Variants in GABRB3 observed in about 807,000 individuals in gnomAD.
GABRB3 encodes the protein gamma-aminobutyric acid type A receptor subunit beta3, also known as gamma-aminobutyric acid receptor subunit beta-3.
Under a neutral mutation model 52.1 loss-of-function variants are expected in GABRB3, and 14 were observed. That is an observed-to-expected ratio of 0.27 (90% CI 0.18 to 0.42). The LOEUF (loss-of-function observed/expected upper bound fraction) is 0.42, where lower values mean the gene tolerates loss of function less well. Among genes scored for constraint, GABRB3 ranks in the 10% least tolerant of loss-of-function variants. The probability of loss-of-function intolerance (pLI) is 1.00; values close to 1 mark genes in which losing one functional copy is unlikely to be tolerated. For synonymous variants in GABRB3, 260 were observed against 232.3 expected, an observed-to-expected ratio of 1.12 and a Z score of -1.08; for missense variants, 307 against 609.1, an observed-to-expected ratio of 0.50 and a Z score of 5.22.
chr15:26,640,151 G>A (rs552784064), intron 3 of GABRB3, among the ~76,000 whole-genome samples: 1 of 152,292 alleles, frequency 6.6e-6, no homozygotes, highest in South Asian at 2.1e-4. Flanking sequence ...TATGACAGAG[G>A]TATGGACCAG....
At chr15:26,689,536 C>G (rs1015086559) in intron 3 of GABRB3, among the ~76,000 whole-genome samples, 1 of 152,094 alleles carries the variant, frequency 6.6e-6, no homozygotes, top group Non-Finnish European at 1.5e-5. Flanking sequence ...CACTTCATGC[C>G]TCATTACACG....
chr15:26,705,500 A>T (rs573976156), intron 3 of GABRB3, among the ~76,000 whole-genome samples: 1 of 152,358 alleles, frequency 6.6e-6, no homozygotes, highest in African/African-American at 2.4e-5. Flanking sequence ...AAACTCTGGC[A>T]TATATCTATA....
rs566422368 is a variant in GABRB3 at position 26,705,271 on chromosome 15, C to T, written c.240+67131G>A. 1.4e-4 allele frequency among the ~76,000 whole-genome samples: 21 copies of T among 152,294 alleles called. No homozygotes were observed. In the Middle Eastern group the frequency reaches 0.01, roughly 74 times the overall value. On this transcript the variant is annotated intron_variant, in intron 3 of 8. Transcript: ENST00000311550. The stretch of plus-strand genomic sequence containing the variant: ...GAGGGAACCAACTGCCTTTATCAAG[C>T]GCCTTTATAAAGACATCTGATCTCA...
At chr15:26,704,633 C>T (rs1046215531) in intron 3 of GABRB3, among the ~76,000 whole-genome samples, 1 of 152,248 alleles carries the variant, frequency 6.6e-6, no homozygotes, top group East Asian at 1.9e-4. Context: ...AAAGAAGCCA[C>T]GAAGGATCCT....
chr15:26,624,637 G>A (rs1238180346), intron 3 of GABRB3: 1 of 985,392 alleles, frequency 1.0e-6, no homozygotes, highest in Non-Finnish European at 1.2e-6. Context: ...AAGAGCTTAG[G>A]TAACAGCAAG....
intron 8 of GABRB3, among the ~76,000 whole-genome samples, chr15:26,551,785 C>T (rs189441853): frequency 5.9e-5 from 9 of 152,250 alleles, no homozygotes; most frequent in East Asian, 1.9e-4. Context: ...CTCCACTAGA[C>T]GGAGTGGTCT....
rs1889278220 is a variant in GABRB3, at chr15:26,547,134, CTA to C, written c.*657_*658del. ...GTTCAGACATCAACGTGGGATCTAT[CTA>C]TGTTTCAGACAACAGGTAAGCACAC... On this transcript the variant is annotated 3_prime_UTR_variant, in exon 9 of 9. Transcript: ENST00000311550. 5.8e-6 allele frequency: 1 copy of C among 171,712 alleles called. No individual in the cohort carries two copies. The highest frequency in any genetic ancestry group is 1.2e-5 in the Non-Finnish European group (1 of 81,510). The allele number at this position is 171,712 out of a possible 1,614,324, so 10.6% of individuals were successfully genotyped here.
chr15:26,590,737 A>T (rs1052397115), intron 4 of GABRB3, among the ~76,000 whole-genome samples: 4 of 152,186 alleles, frequency 2.6e-5, no homozygotes, highest in Admixed American at 1.3e-4. Context: ...TGTTGCTGGG[A>T]AAATGATTGT....
At chr15:26,668,701 TAG>T (rs780569629) in intron 3 of GABRB3, among the ~76,000 whole-genome samples, 23 of 152,294 alleles carry the variant, frequency 1.5e-4, no homozygotes, top group Admixed American at 8.5e-4. Context: ...CATATGTAAA[TAG>T]AGTTCCCTAA....
intron 6 of GABRB3, among the ~76,000 whole-genome samples, chr15:26,579,577 T>C (rs1188070590): frequency 6.6e-6 from 1 of 152,244 alleles, no homozygotes; most frequent in African/African-American, 2.4e-5. Flanking sequence ...CTCTTAGCAT[T>C]TTCAACCAAG....
chr15:26,725,597 G>C (rs1248402610), intron 3 of GABRB3, among the ~76,000 whole-genome samples: 1 of 152,014 alleles, frequency 6.6e-6, no homozygotes, highest in Non-Finnish European at 1.5e-5. Context: ...TCAAACTTTT[G>C]AAAATGTTGC....
chr15:26,592,690 G>A (rs1162171222), intron 4 of GABRB3, among the ~76,000 whole-genome samples: 3 of 152,074 alleles, frequency 2.0e-5, no homozygotes, highest in African/African-American at 4.8e-5. Flanking sequence ...ATCCTTTAAT[G>A]GCATGGAAAG....
intron 8 of GABRB3, among the ~76,000 whole-genome samples, chr15:26,550,454 G>A (rs78857542): frequency 0.027 from 4,112 of 152,234 alleles, 197 homozygotes; most frequent in African/African-American, 0.094. Flanking sequence ...TCATCTCACC[G>A]CAGTTAGAAT....
chr15:26,720,394 T>A (rs146829836), intron 3 of GABRB3, among the ~76,000 whole-genome samples: 143 of 152,330 alleles, frequency 9.4e-4, no homozygotes, highest in African/African-American at 3.3e-3. Flanking sequence ...CCTGGCTCTC[T>A]GATCCCTAGC....
intron 3 of GABRB3, among the ~76,000 whole-genome samples, chr15:26,684,409 A>G (rs926923776): frequency 6.6e-6 from 1 of 152,174 alleles, no homozygotes; most frequent in African/African-American, 2.4e-5. Context: ...AAATGTTCAC[A>G]TATGGGAAGA....
At chr15:26,671,397 T>C (rs1449421286) in intron 3 of GABRB3, among the ~76,000 whole-genome samples, 1 of 152,210 alleles carries the variant, frequency 6.6e-6, no homozygotes. Flanking sequence ...ATGGCCTTAG[T>C]TGTACCACAG....
intron 4 of GABRB3, among the ~76,000 whole-genome samples, chr15:26,595,575 ATTTTGATG>A (rs1891368618): frequency 6.6e-6 from 1 of 151,980 alleles, no homozygotes; most frequent in African/African-American, 2.4e-5. Flanking sequence ...GTTTTGTTTT[ATTTTGATG>A]TTTTTGTGAG....
Position 26,621,296 on chromosome 15 carries a change from CT to C in GABRB3, c.461+17del. ...GCACCATGCAACAGCAAAATTGGTC[CT>C]GAAGAGGCACACAGACCTGAGCCCA... On this transcript the variant is annotated intron_variant, in intron 4 of 8. Coordinates refer to ENST00000311550, the MANE Select transcript of GABRB3 (RefSeq NM_000814.6). This position sits in a 1 kb window ranked among gnomAD's most constrained non-coding sequence, Gnocchi z 4.1. 1.2e-6 allele frequency: 2 copies of C among 1,609,986 alleles called. No individual in the cohort carries two copies. Among genetic ancestry groups the C allele is most frequent in the Non-Finnish European group, 1.7e-6 (2 of 1,177,480 alleles).
chr15:26,730,077 A>G (rs1889867960), intron 3 of GABRB3, among the ~76,000 whole-genome samples: 1 of 152,222 alleles, frequency 6.6e-6, no homozygotes, highest in Non-Finnish European at 1.5e-5. Context: ...GAACACCAAT[A>G]TACACAAAAG....
Sources: allele counts gnomAD v4.1 joint callset (sites outside exome capture counted in the v4.1 genomes callset), GRCh38; gene constraint gnomAD v4.1.1; non-coding constraint Gnocchi (gnomAD v3.1); transcripts MANE v1.5; gene names NCBI Gene and HGNC (gene_info 2026-07-23, HGNC 2026-07-21).